The following WWOX variants were observed in gnomAD, a reference collection of about 807,000 sequenced individuals.
WWOX encodes the protein WW domain-containing oxidoreductase.
WWOX carries 69 observed loss-of-function variants against 46.2 expected under a neutral mutation model. That is an observed-to-expected ratio of 1.49 (90% CI 1.23 to 1.82). WWOX has a LOEUF of 1.82. Ranked by LOEUF, WWOX falls within the 40% of genes most tolerant of loss-of-function variation. WWOX has a pLI of 0.00. For missense variants in WWOX, 919 were observed against 542.6 expected, an observed-to-expected ratio of 1.69 and a Z score of -6.89; for synonymous variants, 359 against 202.6, an observed-to-expected ratio of 1.77 and a Z score of -6.56.
At chr16:78,892,829 C>G (rs962464487) in intron 8 of WWOX, among the ~76,000 whole-genome samples, 1 of 152,178 alleles carries the variant, frequency 6.6e-6, no homozygotes, top group African/African-American at 2.4e-5. Flanking sequence ...GGCTGCTGAT[C>G]CAATTGGATT....
chr16:79,160,926 A>G (rs1476168149), intron 8 of WWOX, among the ~76,000 whole-genome samples: 2 of 152,238 alleles, frequency 1.3e-5, no homozygotes, highest in Non-Finnish European at 2.9e-5. Flanking sequence ...TCTGATACAC[A>G]TATGTACATA....
intron 8 of WWOX, among the ~76,000 whole-genome samples, chr16:79,139,879 C>T (rs1377567069): frequency 6.6e-6 from 1 of 152,160 alleles, no homozygotes; most frequent in Non-Finnish European, 1.5e-5. Context: ...ATGGCGCATA[C>T]CCAAGACCCT....
chr16:78,381,086 T>C (rs540427529), intron 5 of WWOX, among the ~76,000 whole-genome samples: 5 of 152,348 alleles, frequency 3.3e-5, no homozygotes, highest in Middle Eastern at 3.4e-3. Context: ...TACTGGGCTG[T>C]AGTTCCAGGG....
At chr16:79,207,659 CTCTT>C (rs772335491) in intron 8 of WWOX, among the ~76,000 whole-genome samples, 18 of 152,154 alleles carry the variant, frequency 1.2e-4, no homozygotes, top group South Asian at 4.2e-4. Flanking sequence ...CAGGAATCTC[CTCTT>C]TCTTTTAAAT....
intron 8 of WWOX, among the ~76,000 whole-genome samples, chr16:78,882,968 C>A (rs2044375377): frequency 6.6e-6 from 1 of 152,122 alleles, no homozygotes; most frequent in Non-Finnish European, 1.5e-5. Flanking sequence ...GGAGAAGCCA[C>A]AGAACTGTGA....
At chr16:79,084,184 G>A (rs8064182) in intron 8 of WWOX, among the ~76,000 whole-genome samples, 1 of 152,280 alleles carries the variant, frequency 6.6e-6, no homozygotes, top group Non-Finnish European at 1.5e-5. Flanking sequence ...GTGTTCAGAA[G>A]GCCAGCTTGA....
At chr16:78,422,690 C>CACACACATATATATATAT (rs1567563307) in intron 6 of WWOX, among the ~76,000 whole-genome samples, 1 of 20,710 alleles carries the variant, frequency 4.8e-5, no homozygotes, top group African/African-American at 1.5e-4. Flanking sequence ...TATATACACA[C>CACACACATATATATATAT]ACACACACAC....
chr16:78,957,615 C>G (rs1284963400), intron 8 of WWOX, among the ~76,000 whole-genome samples: 2 of 152,166 alleles, frequency 1.3e-5, no homozygotes, highest in South Asian at 4.2e-4. Context: ...AGGTATGTCT[C>G]TTCGGATAGA....
At chr16:78,561,756 C>T (rs562186285) in intron 8 of WWOX, among the ~76,000 whole-genome samples, 27 of 152,264 alleles carry the variant, frequency 1.8e-4, no homozygotes, top group Non-Finnish European at 2.5e-4. Context: ...CAGGCAGACA[C>T]GGCTTCACCT....
At chr16:79,199,681 T>C (rs1940729589) in intron 8 of WWOX, among the ~76,000 whole-genome samples, 4 of 151,968 alleles carry the variant, frequency 2.6e-5, no homozygotes, top group Admixed American at 2.0e-4. Flanking sequence ...GATTCATACA[T>C]GAAGAGGACT....
chr16:79,190,074 C>T (rs1451583348), intron 8 of WWOX, among the ~76,000 whole-genome samples: 1 of 152,030 alleles, frequency 6.6e-6, no homozygotes, highest in Non-Finnish European at 1.5e-5. Flanking sequence ...CTGAGTCGCC[C>T]AGGGCGGCGG....
chr16:78,828,426 A>G (rs2051722174), intron 8 of WWOX, among the ~76,000 whole-genome samples: 1 of 152,300 alleles, frequency 6.6e-6, no homozygotes, highest in East Asian at 1.9e-4. Flanking sequence ...TTCTACCACC[A>G]TCGTCACCAT....
intron 4 of WWOX, among the ~76,000 whole-genome samples, chr16:78,118,027 T>C (rs2032892965): frequency 7.5e-6 from 1 of 132,536 alleles, no homozygotes; most frequent in African/African-American, 2.7e-5. Context: ...CAGTGGTTCT[T>C]TCTTTCTTTC....
chr16:78,284,775 G>T (rs2079739567), intron 5 of WWOX, among the ~76,000 whole-genome samples: 1 of 152,142 alleles, frequency 6.6e-6, no homozygotes, highest in Non-Finnish European at 1.5e-5. Flanking sequence ...TAAAGAAAAG[G>T]GTTGGCTTAA....
chr16:78,571,077 T>C (rs1203174250), intron 8 of WWOX, among the ~76,000 whole-genome samples: 1 of 152,192 alleles, frequency 6.6e-6, no homozygotes. Flanking sequence ...GAAGTATTGC[T>C]CCTTTCTTTA....
At chr16:78,679,690 C>T (rs28661840) in intron 8 of WWOX, among the ~76,000 whole-genome samples, 1 of 152,126 alleles carries the variant, frequency 6.6e-6, no homozygotes, top group Non-Finnish European at 1.5e-5. Context: ...TCATATAAAT[C>T]ATTTGTGACA....
intron 5 of WWOX, among the ~76,000 whole-genome samples, chr16:78,363,127 T>C (rs1348534168): frequency 1.3e-5 from 2 of 152,102 alleles, no homozygotes; most frequent in East Asian, 3.9e-4. Context: ...CGTCCAGTGG[T>C]CACTGTGTGT....
intron 5 of WWOX, among the ~76,000 whole-genome samples, chr16:78,235,067 TACACAC>T (rs891503888): frequency 2.0e-5 from 3 of 151,710 alleles, no homozygotes; most frequent in African/African-American, 7.3e-5. Context: ...ATGAGAAAAA[TACACAC>T]ACACACGTAA....
intron 8 of WWOX, among the ~76,000 whole-genome samples, chr16:78,886,161 G>T (rs1314232253): frequency 6.6e-6 from 1 of 151,458 alleles, no homozygotes; most frequent in Non-Finnish European, 1.5e-5. Context: ...CTGACCTTAA[G>T]TGATCCACCC....
Sources: allele counts gnomAD v4.1 joint callset (sites outside exome capture counted in the v4.1 genomes callset), GRCh38; gene constraint gnomAD v4.1.1; transcripts MANE v1.5; gene names NCBI Gene and HGNC (gene_info 2026-07-23, HGNC 2026-07-21).